Variants in NCKAP5 observed in about 807,000 individuals in gnomAD.
NCKAP5 encodes the protein NCK associated protein 5, also known as nck-associated protein 5.
NCKAP5 carries 92 observed loss-of-function variants against 167.0 expected under a neutral mutation model. That is an observed-to-expected ratio of 0.55 (90% CI 0.47 to 0.66). NCKAP5 has a LOEUF of 0.66. Among genes scored for constraint, NCKAP5 ranks in the 30% least tolerant of loss-of-function variants. The pLI is 0.00. For synonymous variants in NCKAP5, 891 were observed against 877.4 expected, an observed-to-expected ratio of 1.02 and a Z score of -0.27; for missense variants, 2,378 against 2,315.0, an observed-to-expected ratio of 1.03 and a Z score of -0.56.
At chr2:133,584,706 GTGAGCCAAGAT>G in the NCKAP5 span, among the ~76,000 whole-genome samples, 1 of 152,110 alleles carries the variant, frequency 6.6e-6, no homozygotes, top group Non-Finnish European at 1.5e-5. Flanking sequence ...GGAGGTTGTG[GTGAGCCAAGAT>G]TGAGCCACTG....
At chr2:133,475,893 G>C (rs903973225) in intron 3 of NCKAP5, among the ~76,000 whole-genome samples, 3 of 152,124 alleles carry the variant, frequency 2.0e-5, no homozygotes, top group Admixed American at 6.5e-5. Flanking sequence ...ATTATAAATG[G>C]GAAAAGGTAT....
intron 7 of NCKAP5, among the ~76,000 whole-genome samples, chr2:132,984,759 A>G (rs6704839): frequency 0.46 from 69,909 of 151,416 alleles, 17,007 homozygotes; most frequent in Non-Finnish European, 0.55. Context: ...AGCATTAATA[A>G]GCCAAGTTCT....
chr2:133,261,915 T>C lies in NCKAP5; in HGVS notation c.143+41122A>G, dbSNP rs551932175. Among the ~76,000 whole-genome samples, 274 of 152,282 alleles carry C rather than the reference T, an allele frequency of 1.8e-3. 1 individual carries two copies. Among genetic ancestry groups the C allele is most frequent in the African/African-American group, 6.3e-3 (262 of 41,542 alleles). On this transcript the variant is annotated intron_variant, in intron 4 of 19. Coordinates refer to ENST00000409261, the MANE Select transcript of NCKAP5 (RefSeq NM_207363.3). Reference sequence around the variant, plus strand: ...AATGTAATGCCAATGCCAATGTAATTGCTTCAGGTTATAACTTCCCTATTA... The same window carrying C: ...AATGTAATGCCAATGCCAATGTAATCGCTTCAGGTTATAACTTCCCTATTA...
chr2:132,866,095 C>G (rs1348761905), intron 10 of NCKAP5, among the ~76,000 whole-genome samples: 1 of 152,146 alleles, frequency 6.6e-6, no homozygotes, highest in African/African-American at 2.4e-5. Flanking sequence ...CAGCTTTATT[C>G]CATGTCGGTG....
intron 8 of NCKAP5, among the ~76,000 whole-genome samples, chr2:132,883,142 G>T (rs1691904238): frequency 6.6e-6 from 1 of 150,948 alleles, no homozygotes. Flanking sequence ...GGTCAAGGCT[G>T]CATGAGCTAT....
chr2:133,110,897 CCT>C (rs1257330152), intron 6 of NCKAP5, among the ~76,000 whole-genome samples: 6 of 152,138 alleles, frequency 3.9e-5, no homozygotes, highest in Non-Finnish European at 8.8e-5. Flanking sequence ...TCTGGGGAAG[CCT>C]CTCTTCCCGG....
At chr2:133,667,763 A>AT in the NCKAP5 span, among the ~76,000 whole-genome samples, 2 of 152,008 alleles carry the variant, frequency 1.3e-5, no homozygotes, top group Admixed American at 1.3e-4. Context: ...CTTCAATAGC[A>AT]TTTTTAATCA....
At chr2:133,465,277 A>C (rs1387635072) in intron 3 of NCKAP5, among the ~76,000 whole-genome samples, 4 of 151,094 alleles carry the variant, frequency 2.6e-5, no homozygotes, top group African/African-American at 7.3e-5. Flanking sequence ...TCTGTTCTTG[A>C]GATAGTTTAC....
intron 3 of NCKAP5, among the ~76,000 whole-genome samples, chr2:133,341,044 A>AT (rs1307227989): frequency 6.6e-6 from 1 of 152,146 alleles, no homozygotes; most frequent in African/African-American, 2.4e-5. Context: ...TACCTATGAC[A>AT]TTTTTTAACC....
intron 1 of NCKAP5, among the ~76,000 whole-genome samples, chr2:133,559,982 G>T (rs1345358563): frequency 6.6e-6 from 1 of 152,122 alleles, no homozygotes; most frequent in Non-Finnish European, 1.5e-5. Context: ...AGAAATCCTT[G>T]CCCATTTTCT....
At chr2:132,745,519 T>A (rs1365914439) in intron 16 of NCKAP5, among the ~76,000 whole-genome samples, 2 of 151,694 alleles carry the variant, frequency 1.3e-5, no homozygotes, top group Admixed American at 6.6e-5. Flanking sequence ...GACTGAATGT[T>A]CCCCCACTAA....
At chr2:132,933,129 G>A (rs13404616) in intron 8 of NCKAP5, among the ~76,000 whole-genome samples, 43,705 of 150,304 alleles carry the variant, frequency 0.29, 10,370 homozygotes, top group African/African-American at 0.63. Flanking sequence ...GTTTCACCGT[G>A]TTAGCCAGGA....
At chr2:133,209,701 A>G (rs2086120498) in intron 5 of NCKAP5, among the ~76,000 whole-genome samples, 2 of 152,058 alleles carry the variant, frequency 1.3e-5, no homozygotes, top group African/African-American at 4.8e-5. Context: ...CTGCTCTAAT[A>G]AAGTCTTAAG....
chr2:133,406,591 A>G (rs1186385382), intron 3 of NCKAP5, among the ~76,000 whole-genome samples: 11 of 107,766 alleles, frequency 1.0e-4, no homozygotes, highest in African/African-American at 3.9e-4. Context: ...GAAGGAAGGA[A>G]GGGAGGGAGG....
intron 6 of NCKAP5, among the ~76,000 whole-genome samples, chr2:133,110,201 G>A (rs1305606266): frequency 6.6e-6 from 1 of 152,142 alleles, no homozygotes; most frequent in African/African-American, 2.4e-5. Context: ...TGGTGGTATT[G>A]CAACTTGCAT....
chr2:133,665,432 G>A, the NCKAP5 span, among the ~76,000 whole-genome samples: 31 of 152,174 alleles, frequency 2.0e-4, no homozygotes, highest in Non-Finnish European at 4.6e-4. Context: ...AGAGATGGGA[G>A]AATGGCAGGT....
chr2:133,223,731 T>A (rs1401937281), intron 4 of NCKAP5, among the ~76,000 whole-genome samples: 1 of 152,200 alleles, frequency 6.6e-6, no homozygotes, highest in Non-Finnish European at 1.5e-5. Context: ...CCATAAAGCA[T>A]AAAAGTCGGT....
chr2:132,963,998 T>A lies in NCKAP5; in HGVS notation c.430-129A>T, dbSNP rs543757142. 4.9e-5 allele frequency: 50 copies of A among 1,013,348 alleles called. 1 individual carries two copies. In the South Asian group the frequency reaches 6.6e-4, roughly 13 times the overall value. The allele number at this position is 1,013,348 out of a possible 1,614,324, so 62.8% of individuals were successfully genotyped here. A position where few individuals can be genotyped will look rare whatever the true frequency, so the allele number is the denominator to read the frequency against. On this transcript the variant is annotated intron_variant, in intron 7 of 19. Transcript: ENST00000409261. Reference sequence around the variant, plus strand: ...CGGGGCTGGGAGTTTGCTAAACAAATTCTGAGAGGGGTTTATTTTAAAAAA... The same window carrying A: ...CGGGGCTGGGAGTTTGCTAAACAAAATCTGAGAGGGGTTTATTTTAAAAAA...
intron 11 of NCKAP5, among the ~76,000 whole-genome samples, chr2:132,806,939 C>A (rs569492780): frequency 6.6e-6 from 1 of 152,020 alleles, no homozygotes; most frequent in South Asian, 2.1e-4. Flanking sequence ...TTGTATGAGG[C>A]GAGAGGTAAG....
Sources: allele counts gnomAD v4.1 joint callset (sites outside exome capture counted in the v4.1 genomes callset), GRCh38; gene constraint gnomAD v4.1.1; transcripts MANE v1.5; gene names NCBI Gene and HGNC (gene_info 2026-07-23, HGNC 2026-07-21).